The following CDKAL1 variants were observed in gnomAD, a reference collection of about 807,000 sequenced individuals.
CDKAL1 encodes the protein threonylcarbamoyladenosine tRNA methylthiotransferase.
Under a neutral mutation model 68.2 loss-of-function variants are expected in CDKAL1, and 32 were observed. The observed-to-expected ratio is 0.47, with a 90% CI of 0.35 to 0.63. The LOEUF is 0.63. CDKAL1 is among the 30% of genes least tolerant of loss of function. The probability of loss-of-function intolerance (pLI) is 0.00; values close to 1 mark genes in which losing one functional copy is unlikely to be tolerated. For missense variants in CDKAL1, 606 were observed against 696.7 expected, an observed-to-expected ratio of 0.87 and a Z score of 1.47; for synonymous variants, 234 against 244.3, an observed-to-expected ratio of 0.96 and a Z score of 0.39.
chr6:20,677,847 T>C (rs1004459977), intron 5 of CDKAL1, among the ~76,000 whole-genome samples: 7 of 152,232 alleles, frequency 4.6e-5, no homozygotes, highest in African/African-American at 1.7e-4. Context: ...TCACTAGTTT[T>C]TAGAAATCTT....
At chr6:20,841,253 T>C (rs1258944459) in intron 8 of CDKAL1, among the ~76,000 whole-genome samples, 1 of 152,122 alleles carries the variant, frequency 6.6e-6, no homozygotes, top group Non-Finnish European at 1.5e-5. Context: ...AATGCTTGAG[T>C]CCAAATGGTT....
rs148825176 is a variant in CDKAL1 at position 21,150,533 on chromosome 6, T to C, written c.1299+42070T>C. 7.2e-5 allele frequency among the ~76,000 whole-genome samples: 11 copies of C among 152,336 alleles called. No individual in the cohort carries two copies. The East Asian group carries it at 1.5e-3, about 21-fold the overall frequency. On this transcript the variant is annotated intron_variant, in intron 13 of 15. Transcript: ENST00000274695. ...CTAGTTGGGGCAATGAAGGCAAATA[T>C]AGCCAAAGCCTCCATAAAACTTGCT...
rs60301451 is a variant in CDKAL1, at chr6:20,957,968, C to CAA, written c.909+2403_909+2404dup. On this transcript the variant is annotated intron_variant, in intron 10 of 15. Coordinates refer to ENST00000274695, the MANE Select transcript of CDKAL1 (RefSeq NM_017774.3). ...CCTGGGTGACAAAGCAAGATTATCT[C>CAA]AAAAAAAAAAAAAAAAAAAAAGGAA... Among the ~76,000 whole-genome samples, 457 of 67,290 alleles carry CAA rather than the reference C, an allele frequency of 6.8e-3. 3 individuals carry two copies. The highest frequency in any genetic ancestry group is 0.018 in the South Asian group (32 of 1,738). 44.1% of individuals were successfully genotyped at this position (67,290 alleles called of 152,430 possible).
At chr6:21,030,618 A>G (rs1036541751) in intron 11 of CDKAL1, among the ~76,000 whole-genome samples, 1 of 152,154 alleles carries the variant, frequency 6.6e-6, no homozygotes, top group African/African-American at 2.4e-5. Context: ...TATTTCCCTA[A>G]CTTCAAGGTT....
chr6:20,671,862 C>T (rs1050099319), intron 5 of CDKAL1, among the ~76,000 whole-genome samples: 3 of 152,070 alleles, frequency 2.0e-5, no homozygotes, highest in African/African-American at 7.2e-5. Flanking sequence ...CCTCTGCCTC[C>T]CTAGTAGCTG....
chr6:20,783,894 A>G (rs1328182589), intron 8 of CDKAL1, among the ~76,000 whole-genome samples: 3 of 152,142 alleles, frequency 2.0e-5, no homozygotes, highest in Admixed American at 6.5e-5. Flanking sequence ...TACAACATCT[A>G]TGCATACTCA....
intron 13 of CDKAL1, among the ~76,000 whole-genome samples, chr6:21,184,008 T>A (rs1459025935): frequency 6.6e-6 from 1 of 152,074 alleles, no homozygotes; most frequent in African/African-American, 2.4e-5. Context: ...CATTATGCTC[T>A]CCTCTGTTTG....
chr6:21,148,947 T>C (rs1160587100), intron 13 of CDKAL1, among the ~76,000 whole-genome samples: 1 of 152,196 alleles, frequency 6.6e-6, no homozygotes, highest in Non-Finnish European at 1.5e-5. Context: ...TATACTAGGA[T>C]GAAGTTTTAC....
intron 5 of CDKAL1, among the ~76,000 whole-genome samples, chr6:20,730,843 C>CA (rs34407999): frequency 0.31 from 35,934 of 116,024 alleles, 6,309 homozygotes; most frequent in East Asian, 0.69. Flanking sequence ...GACTCCGTCT[C>CA]AAAAAAAAAA....
At chr6:20,629,288 T>C (rs1767569966) in intron 4 of CDKAL1, among the ~76,000 whole-genome samples, 1 of 152,212 alleles carries the variant, frequency 6.6e-6, no homozygotes, top group African/African-American at 2.4e-5. Context: ...GATGCTTTTT[T>C]TCTCTCTCAG....
At chr6:20,713,919 A>C (rs192955630) in intron 5 of CDKAL1, among the ~76,000 whole-genome samples, 1 of 152,310 alleles carries the variant, frequency 6.6e-6, no homozygotes, top group African/African-American at 2.4e-5. Flanking sequence ...ATTAAAATAC[A>C]TCAGTGATGC....
chr6:20,956,760 C>G (rs12199174), intron 10 of CDKAL1, among the ~76,000 whole-genome samples: 1 of 151,986 alleles, frequency 6.6e-6, no homozygotes, highest in East Asian at 1.9e-4. Context: ...TTCAGAAATT[C>G]TGAAAACAGA....
At chr6:21,223,380 A>G (rs769227830) in intron 15 of CDKAL1, among the ~76,000 whole-genome samples, 4 of 152,204 alleles carry the variant, frequency 2.6e-5, no homozygotes, top group East Asian at 3.9e-4. Flanking sequence ...GAGTAGTCTG[A>G]AGGATTAGAG....
At chr6:20,965,237 A>C (rs1397741610) in intron 10 of CDKAL1, among the ~76,000 whole-genome samples, 2 of 148,064 alleles carry the variant, frequency 1.4e-5, no homozygotes, top group Non-Finnish European at 1.5e-5. Flanking sequence ...ACTTGGACCC[A>C]GGAGTTCAAG....
intron 5 of CDKAL1, among the ~76,000 whole-genome samples, chr6:20,689,546 C>G (rs565175436): frequency 1.3e-3 from 192 of 152,266 alleles, no homozygotes; most frequent in African/African-American, 4.5e-3. Flanking sequence ...GATGGAATAG[C>G]AACTTCCAAG....
chr6:21,187,062 G>A (rs939429373), intron 13 of CDKAL1, among the ~76,000 whole-genome samples: 3 of 152,146 alleles, frequency 2.0e-5, no homozygotes, highest in African/African-American at 7.2e-5. Flanking sequence ...TTTTATTCAT[G>A]TGAAATTTTT....
chr6:20,803,163 C>T (rs1776436120), intron 8 of CDKAL1, among the ~76,000 whole-genome samples: 2 of 152,190 alleles, frequency 1.3e-5, no homozygotes, highest in South Asian at 4.1e-4. Context: ...TGATAGGGTT[C>T]CAGAGAGTTT....
intron 8 of CDKAL1, among the ~76,000 whole-genome samples, chr6:20,838,053 T>TATGTATACATCCATTTTTATAG (rs1374313408): frequency 6.6e-6 from 1 of 151,806 alleles, no homozygotes; most frequent in African/African-American, 2.4e-5. Context: ...TACTTTTATA[T>TATGTATACATCCATTTTTATAG]ATGTATACAT....
chr6:20,689,225 G>A lies in CDKAL1; in HGVS notation c.371+39848G>A, dbSNP rs112709684. Among the ~76,000 whole-genome samples the A allele has an allele frequency of 3.3e-3, 504 of 152,314 alleles. 6 individuals are homozygous for A. The highest frequency in any genetic ancestry group is 0.011 in the African/African-American group (437 of 41,548). On this transcript the variant is annotated intron_variant, in intron 5 of 15. Coordinates refer to ENST00000274695, the MANE Select transcript of CDKAL1 (RefSeq NM_017774.3). ...GTATTCACTGTGAGAACCAGGTCAA[G>A]CTCCTGGAGGTAAAAATTCACGCAA...
Sources: allele counts gnomAD v4.1 joint callset (sites outside exome capture counted in the v4.1 genomes callset), GRCh38; gene constraint gnomAD v4.1.1; transcripts MANE v1.5; gene names NCBI Gene and HGNC (gene_info 2026-07-23, HGNC 2026-07-21).